PFKFB2: variants seen among roughly 807,000 people sequenced by gnomAD.
The protein encoded by PFKFB2 is 6-phosphofructo-2-kinase/fructose-2,6-bisphosphatase 2.
In PFKFB2, 53 loss-of-function variants were observed where a neutral mutation model predicts 68.0. The ratio of observed to expected loss-of-function variants is 0.78; its 90% CI spans 0.63 to 0.98. PFKFB2 has a LOEUF of 0.98. Ranked by LOEUF, PFKFB2 falls within the 50% of genes least tolerant of loss-of-function variation. The pLI is 0.00. For synonymous variants in PFKFB2, 222 were observed against 227.6 expected, an observed-to-expected ratio of 0.98 and a Z score of 0.22; for missense variants, 451 against 642.0, an observed-to-expected ratio of 0.70 and a Z score of 3.22.
At chr1:207,046,989 ATGATGCATAAAGCTCAATT>A in intron 2 of PFKFB2, 1 of 152,342 alleles carries the variant, frequency 6.6e-6, no homozygotes, top group South Asian at 2.1e-4. Context: ...TTTCTGAGTA[ATGATGCATAAAGCTCAATT>A]TGATAATTGT....
chr1:207,072,891 G>A lies in PFKFB2; in HGVS notation c.*520G>A, dbSNP rs958356926. 2.0e-6 allele frequency: 2 copies of A among 986,934 alleles called. No homozygotes were observed. The highest frequency in any genetic ancestry group is 3.5e-5 in the African/African-American group (2 of 57,254). 61.1% of individuals were successfully genotyped at this position (986,934 alleles called of 1,614,324 possible). A position where few individuals can be genotyped will look rare whatever the true frequency, so the allele number is the denominator to read the frequency against. The stretch of plus-strand genomic sequence containing the variant: ...TCATGTCCCCTCTGGATTGTCCAGT[G>A]TAATGCATGGCATTGTGGTGTCTGT... On this transcript the variant is annotated 3_prime_UTR_variant, in exon 15 of 15. Transcript: ENST00000367080.
Position 207,063,483 on chromosome 1 carries a change from G to A in PFKFB2, c.450+62G>A, listed in dbSNP as rs1484590493. 1.8e-6 allele frequency: 2 copies of A among 1,122,848 alleles called. No homozygotes were observed. Among genetic ancestry groups the A allele is most frequent in the Non-Finnish European group, 2.7e-6 (2 of 745,164 alleles). 69.6% of individuals were successfully genotyped at this position (1,122,848 alleles called of 1,614,324 possible). On this transcript the variant is annotated intron_variant, in intron 6 of 14. Transcript: ENST00000367080. The surrounding 1 kb of genome is among the most constrained non-coding windows in gnomAD (Gnocchi z 4.1). The stretch of plus-strand genomic sequence containing the variant: ...GTAGAGGTGGGGAGTCAGGCTACAG[G>A]CATGGATCTCTCACTCTAGTGGGTG...
intron 1 of PFKFB2, 106 bp from the exon 2 acceptor site, chr1:207,054,595 C>T: frequency 1.5e-6 from 1 of 668,642 alleles, no homozygotes; most frequent in Non-Finnish European, 2.6e-6. Context: ...GCCTCTTGGC[C>T]CAGGGTGTTT....
At chr1:207,037,388 T>C (rs1202212402) in intron 1 of PFKFB2, among the ~76,000 whole-genome samples, 1 of 152,234 alleles carries the variant, frequency 6.6e-6, no homozygotes, top group Admixed American at 6.5e-5. Flanking sequence ...TCCTTAAATG[T>C]TGGGAGTTAC....
chr1:207,042,769 G>A (rs1468313948), intron 2 of PFKFB2, among the ~76,000 whole-genome samples: 2 of 151,988 alleles, frequency 1.3e-5, no homozygotes, highest in South Asian at 2.1e-4. Context: ...AGAATTCAAG[G>A]GCAGGACTTC....
Position 207,062,091 on chromosome 1 carries a change from C to T in PFKFB2, c.211+13C>T, listed in dbSNP as rs371237535. The T allele has an allele frequency of 3.7e-6, 6 of 1,613,910 alleles. No homozygotes were observed. The African/African-American group carries it at 8.0e-5, about 22-fold the overall frequency. On this transcript the variant is annotated intron_variant, in intron 3 of 14. Transcript: ENST00000367080. ...GTCCCCACCAAAGGTAAGTGTGGCT[C>T]ATTCCCTAGGAAAGACAATTATTAG...
chr1:207,072,682 C>G lies in PFKFB2; in HGVS notation c.*311C>G, dbSNP rs1049417639. ...ACACTCCCTTGGGGCTGAGCATGCC[C>G]CACACTCTTGGATCTTCTCTCTGTT... On this transcript the variant is annotated 3_prime_UTR_variant, in exon 15 of 15. Coordinates refer to ENST00000367080, the MANE Select transcript of PFKFB2 (RefSeq NM_006212.2). 1.8e-6 allele frequency: 2 copies of G among 1,109,144 alleles called. No homozygotes were observed. The highest frequency in any genetic ancestry group is 2.2e-6 in the Non-Finnish European group (2 of 908,458). 68.7% of individuals were successfully genotyped at this position (1,109,144 alleles called of 1,614,324 possible).
Position 207,067,570 on chromosome 1 carries a change from A to G in PFKFB2, c.704A>G (p.Gln235Arg), listed in dbSNP as rs765219768. ...FLVNRVQDYIQSKIVYYLMNI... is the reference protein window; with the variant it reads ...FLVNRVQDYIRSKIVYYLMNI... ...GTCAACAGAGTCCAGGACTACATCC[A>G]GAGCAAGATAGTCTACTACCTCATG... The change falls in exon 9 of 15, where the codon CAG (glutamine) becomes CGG (arginine). Residue 235 changes from glutamine (Q) to arginine (R), a missense_variant. Coordinates refer to ENST00000367080, the MANE Select transcript of PFKFB2 (RefSeq NM_006212.2). 2 of 1,613,934 alleles carry G rather than the reference A, an allele frequency of 1.2e-6. No homozygotes were observed. The highest frequency in any genetic ancestry group is 1.7e-6 in the Non-Finnish European group (2 of 1,179,836).
chr1:207,076,346 A>T lies in PFKFB2; in HGVS notation c.*3975A>T. ...TGGGCACGGGAAAAAGTATCCAGTA[A>T]TCAGAAGAATTGTATCTGGGTTATG... On this transcript the variant is annotated 3_prime_UTR_variant, in exon 15 of 15. Transcript: ENST00000367080. 1.0e-6 allele frequency: 1 copy of T among 985,016 alleles called. No individual in the cohort carries two copies. The highest frequency in any genetic ancestry group is 1.2e-6 in the Non-Finnish European group (1 of 829,872). 61.0% of individuals were successfully genotyped at this position (985,016 alleles called of 1,614,324 possible). A position where few individuals can be genotyped will look rare whatever the true frequency, so the allele number is the denominator to read the frequency against.
chr1:207,067,712 T>C lies in PFKFB2; in HGVS notation c.840+6T>C. On this transcript the variant is annotated splice_donor_region_variant and intron_variant, in intron 9 of 14. Coordinates refer to ENST00000367080, the MANE Select transcript of PFKFB2 (RefSeq NM_006212.2). ...TCTCGGTGCGGGGAAAGCAGGTGAGTAATTATTCAGCACACTGGATTTTCT... is the reference window on the plus strand; with the variant it reads ...TCTCGGTGCGGGGAAAGCAGGTGAGCAATTATTCAGCACACTGGATTTTCT... 6.2e-7 allele frequency: 1 copy of C among 1,606,808 alleles called. No homozygotes were observed. The highest frequency in any genetic ancestry group is 2.2e-5 in the East Asian group (1 of 44,830).
rs373301868 is a variant in PFKFB2 at position 207,072,335 on chromosome 1, T to C, written c.1482T>C (p.Pro494=). The C allele has an allele frequency of 4.3e-6, 7 of 1,613,840 alleles. No homozygotes were observed. Among genetic ancestry groups the C allele is most frequent in the Non-Finnish European group, 5.1e-6 (6 of 1,179,886 alleles). Residue 494 remains proline (P), a synonymous_variant, in exon 15 of 15, where the codon CCT becomes CCC. Coordinates refer to ENST00000367080, the MANE Select transcript of PFKFB2 (RefSeq NM_006212.2). ...GCCGGCCCCTCAAGCCCCTCAGCCC[T>C]CTCCGTGCCCAGGACATGCAAGAAG... ...VGSRPLKPLS[P]LRAQDMQEGA...
chr1:207,057,751 G>A (rs562901019), intron 2 of PFKFB2, among the ~76,000 whole-genome samples: 25 of 152,230 alleles, frequency 1.6e-4, no homozygotes, highest in Admixed American at 1.5e-3. Context: ...TTCATATTCT[G>A]TTCAGCTGCC....
At chr1:207,036,158 G>A (rs1158989714) in intron 1 of PFKFB2, among the ~76,000 whole-genome samples, 8 of 152,130 alleles carry the variant, frequency 5.3e-5, no homozygotes, top group Non-Finnish European at 1.2e-4. Context: ...CAACTTTGGA[G>A]GTCACATTTC....
chr1:207,071,454 G>A (rs1472917690), intron 13 of PFKFB2, 55 bp from the exon 14 acceptor site: 1 of 1,439,006 alleles, frequency 6.9e-7, no homozygotes, highest in Non-Finnish European at 9.8e-7. Context: ...CCATAACTAA[G>A]GAATTTTCCA....
chr1:207,072,308 G>A lies in PFKFB2; in HGVS notation c.1455G>A (p.Gly485=), dbSNP rs771233275. ...TIRRPRNYSV[G]SRPLKPLSPL... The stretch of plus-strand genomic sequence containing the variant: ...GGCGTCCAAGAAATTACAGTGTTGG[G>A]AGCCGGCCCCTCAAGCCCCTCAGCC... The change falls in exon 15 of 15, where the codon GGG becomes GGA. Residue 485 remains glycine, a synonymous_variant. Coordinates refer to ENST00000367080, the MANE Select transcript of PFKFB2 (RefSeq NM_006212.2). 6.2e-7 allele frequency: 1 copy of A among 1,614,168 alleles called. No individual in the cohort carries two copies. Among genetic ancestry groups the A allele is most frequent in the African/African-American group, 1.3e-5 (1 of 75,034 alleles).
Position 207,068,158 on chromosome 1 carries a change from C to A in PFKFB2, c.841-5C>A, listed in dbSNP as rs1683356938. ...TTACCCTTAATTTTCATTTTTAAAC[C>A]CCAGTTTGCCCAAGCTCTAAGGAAA... On this transcript the variant is annotated splice_polypyrimidine_tract_variant and splice_region_variant and intron_variant, in intron 9 of 14. Coordinates refer to ENST00000367080, the MANE Select transcript of PFKFB2 (RefSeq NM_006212.2). 6.2e-7 allele frequency: 1 copy of A among 1,600,344 alleles called. No homozygotes were observed. The highest frequency in any genetic ancestry group is 1.4e-5 in the African/African-American group (1 of 73,432).
At position 207,074,888 on chromosome 1, in the gene PFKFB2, GGGGTTGGGGGAT is replaced by G; in HGVS notation, c.*2521_*2532del. ...GTTGTCCTATGGCTATGAGACTACA[GGGGTTGGGGGAT>G]GGGGATGCCCCCACCACCACCAGTG... On this transcript the variant is annotated 3_prime_UTR_variant, in exon 15 of 15. Transcript: ENST00000367080. 1.0e-6 allele frequency: 1 copy of G among 985,514 alleles called. No homozygotes were observed. The highest frequency in any genetic ancestry group is 1.2e-6 in the Non-Finnish European group (1 of 829,980). 61.0% of individuals were successfully genotyped at this position (985,514 alleles called of 1,614,324 possible).
downstream of PFKFB2, among the ~76,000 whole-genome samples, chr1:207,078,750 C>T (rs1228945793): frequency 6.6e-6 from 1 of 152,124 alleles, no homozygotes; most frequent in African/African-American, 2.4e-5. Context: ...AGGTCAGCTC[C>T]TCAGGGAAAG....
chr1:207,061,175 AT>A lies in PFKFB2; in HGVS notation c.86-777del, dbSNP rs1558059768. 1.8e-3 allele frequency among the ~76,000 whole-genome samples: 77 copies of A among 43,908 alleles called. 2 individuals carry two copies. Among genetic ancestry groups the A allele is most frequent in the Middle Eastern group, 0.021 (1 of 48 alleles). 28.8% of individuals were successfully genotyped at this position (43,908 alleles called of 152,430 possible). A position where few individuals can be genotyped will look rare whatever the true frequency, so the allele number is the denominator to read the frequency against. The stretch of plus-strand genomic sequence containing the variant: ...TATTTATATATATCTTTATATATAT[AT>A]ATATATATATATATATATATATATA... On this transcript the variant is annotated intron_variant, in intron 2 of 14. Coordinates refer to ENST00000367080, the MANE Select transcript of PFKFB2 (RefSeq NM_006212.2).
Sources: allele counts gnomAD v4.1 joint callset (sites outside exome capture counted in the v4.1 genomes callset), GRCh38; gene constraint gnomAD v4.1.1; non-coding constraint Gnocchi (gnomAD v3.1); transcripts MANE v1.5; gene names NCBI Gene and HGNC (gene_info 2026-07-23, HGNC 2026-07-21).